Variants in PANK4 observed in about 807,000 individuals in gnomAD.
PANK4 encodes the protein pantothenate kinase 4 (inactive).
Under a neutral mutation model 87.9 loss-of-function variants are expected in PANK4, and 40 were observed. The ratio of observed to expected loss-of-function variants is 0.46; its 90% CI spans 0.35 to 0.59. The LOEUF (loss-of-function observed/expected upper bound fraction) is 0.59, where lower values mean the gene tolerates loss of function less well. Among genes scored for constraint, PANK4 ranks in the 20% least tolerant of loss-of-function variants. The pLI is 0.00. For synonymous variants in PANK4, 524 were observed against 467.4 expected, an observed-to-expected ratio of 1.12 and a Z score of -1.56; for missense variants, 926 against 1,072.3, an observed-to-expected ratio of 0.86 and a Z score of 1.90.
chr1:2,512,821 C>T, intron 13 of PANK4, 67 bp downstream of exon 13: 1 of 1,545,878 alleles, frequency 6.5e-7, no homozygotes, highest in Non-Finnish European at 8.9e-7. Flanking sequence ...ACCTCCTTGC[C>T]CGCAAGCCTG....
At chr1:2,521,606 G>C in intron 2 of PANK4, 112 bp downstream of exon 2, 1 of 903,008 alleles carries the variant, frequency 1.1e-6, no homozygotes, top group Non-Finnish European at 1.9e-6. Context: ...AAACTCCCAG[G>C]ACACTAAAGT....
chr1:2,509,971 G>T lies in PANK4; in HGVS notation c.2040-41C>A. ...TGGTCAGTGCCCCCAGGAGCTCCCA[G>T]TTCAGTGACAATCCCCATGGCCCAC... On this transcript the variant is annotated intron_variant, in intron 17 of 18. Coordinates refer to ENST00000378466, the MANE Select transcript of PANK4 (RefSeq NM_018216.4). The surrounding 1 kb of genome is among the most constrained non-coding windows in gnomAD (Gnocchi z 4.9). 6.3e-7 allele frequency: 1 copy of T among 1,594,614 alleles called. No homozygotes were observed. Among genetic ancestry groups the T allele is most frequent in the Admixed American group, 1.7e-5 (1 of 57,734 alleles).
chr1:2,516,700 G>A (rs1022302171), intron 9 of PANK4, among the ~76,000 whole-genome samples: 24 of 152,208 alleles, frequency 1.6e-4, no homozygotes, highest in Admixed American at 9.8e-4. Flanking sequence ...AGCCCATGCC[G>A]GGCAGAAGCT....
At position 2,509,142 on chromosome 1, in the gene PANK4, G is replaced by A. The variant is rs1289974158; in HGVS notation, c.2109-82C>T. ...CATACAGTGCGGCGACCAACGTGAAGGCTGAAACCCCTACCGCTCAATTCC... is the reference window on the plus strand; with the variant it reads ...CATACAGTGCGGCGACCAACGTGAAAGCTGAAACCCCTACCGCTCAATTCC... On this transcript the variant is annotated intron_variant, in intron 18 of 18. Coordinates refer to ENST00000378466, the MANE Select transcript of PANK4 (RefSeq NM_018216.4). This position sits in a 1 kb window ranked among gnomAD's most constrained non-coding sequence, Gnocchi z 4.9. 35 of 1,066,308 alleles carry A rather than the reference G, an allele frequency of 3.3e-5. 1 individual carries two copies. In the South Asian group the frequency reaches 4.5e-4, roughly 14 times the overall value. The allele number at this position is 1,066,308 out of a possible 1,614,324, so 66.1% of individuals were successfully genotyped here. A position where few individuals can be genotyped will look rare whatever the true frequency, so the allele number is the denominator to read the frequency against.
chr1:2,511,292 C>G, intron 15 of PANK4, 46 bp downstream of exon 15: 2 of 1,423,742 alleles, frequency 1.4e-6, no homozygotes, highest in Non-Finnish European at 2.0e-6. Flanking sequence ...CCCCCCCGGG[C>G]CCCGCTGTGT....
Position 2,518,719 on chromosome 1 carries a change from G to C in PANK4, c.1036-122C>G, listed in dbSNP as rs1426362355. 3 of 773,620 alleles carry C rather than the reference G, an allele frequency of 3.9e-6. No individual in the cohort carries two copies. The African/African-American group carries it at 5.2e-5, about 13-fold the overall frequency. The allele number at this position is 773,620 out of a possible 1,614,324, so 47.9% of individuals were successfully genotyped here. A position where few individuals can be genotyped will look rare whatever the true frequency, so the allele number is the denominator to read the frequency against. ...CCCAAACCCTCGAAGAGGCGCCATG[G>C]CACCCACGGCATACTTGCCAGTGGA... On this transcript the variant is annotated intron_variant, in intron 7 of 18. Transcript: ENST00000378466.
intron 12 of PANK4, among the ~76,000 whole-genome samples, chr1:2,513,547 C>A (rs114439409): frequency 6.6e-6 from 1 of 152,196 alleles, no homozygotes; most frequent in Non-Finnish European, 1.5e-5. Flanking sequence ...CGGCCCTGCA[C>A]GTTGCCGGGA....
chr1:2,512,536 TC>T (rs1643678901), intron 13 of PANK4: 1 of 265,052 alleles, frequency 3.8e-6, no homozygotes, highest in Admixed American at 4.8e-5. Flanking sequence ...CACCCTTTGA[TC>T]ATCACATCAG....
chr1:2,510,478 C>T lies in PANK4; in HGVS notation c.1938+200G>A. ...TCAACCCTGGGCTTCAGCACATGGA[C>T]CCTCAGCCTGAGCCCAGGGGGCTCG... On this transcript the variant is annotated intron_variant, in intron 16 of 18. Coordinates refer to ENST00000378466, the MANE Select transcript of PANK4 (RefSeq NM_018216.4). This position sits in a 1 kb window ranked among gnomAD's most constrained non-coding sequence, Gnocchi z 4.9. The T allele has an allele frequency of 1.7e-6, 1 of 604,412 alleles. No individual in the cohort carries two copies. Among genetic ancestry groups the T allele is most frequent in the Non-Finnish European group, 2.9e-6 (1 of 339,770 alleles). The allele number at this position is 604,412 out of a possible 1,614,324, so 37.4% of individuals were successfully genotyped here. A position where few individuals can be genotyped will look rare whatever the true frequency, so the allele number is the denominator to read the frequency against.
intron 1 of PANK4, among the ~76,000 whole-genome samples, chr1:2,523,766 G>A (rs982928018): frequency 1.3e-5 from 2 of 151,952 alleles, no homozygotes; most frequent in Admixed American, 6.6e-5. Context: ...AGAGGGAACC[G>A]CCTGCGGGCG....
At chr1:2,523,820 C>T (rs1158126323) in intron 1 of PANK4, among the ~76,000 whole-genome samples, 2 of 152,260 alleles carry the variant, frequency 1.3e-5, no homozygotes, top group Admixed American at 1.3e-4. Flanking sequence ...GGAATCACAG[C>T]AAACCGCGCC....
Position 2,521,221 on chromosome 1 carries a change from A to T in PANK4, c.302T>A (p.Ile101Asn). Residue 101 changes from isoleucine (I) to asparagine (N), a missense_variant, in exon 3 of 19, where the codon ATC (isoleucine) becomes AAC (asparagine). By Grantham distance (149) the Ile-to-Asn change is moderately radical. Coordinates refer to ENST00000378466, the MANE Select transcript of PANK4 (RefSeq NM_018216.4). ...TTTGATGAAGTCCAGGCAGGCTTCG[A>T]TGTAGGTATTCTCAAACTTAATGAA... ...LHFIKFENTY[I>N]EACLDFIKDH... 1 of 1,613,768 alleles carries T rather than the reference A, an allele frequency of 6.2e-7. No homozygotes were observed. Among genetic ancestry groups the T allele is most frequent in the Non-Finnish European group, 8.5e-7 (1 of 1,179,838 alleles).
intron 10 of PANK4, among the ~76,000 whole-genome samples, chr1:2,514,862 G>C (rs1643738584): frequency 6.6e-6 from 1 of 152,016 alleles, no homozygotes; most frequent in South Asian, 2.1e-4. Context: ...AGTGACCTTG[G>C]TCCCTCACCC....
At chr1:2,518,361 A>G (rs990810366) in intron 8 of PANK4, 97 bp from the exon 9 acceptor site, 5 of 991,202 alleles carry the variant, frequency 5.0e-6, no homozygotes, top group South Asian at 2.8e-5. Flanking sequence ...CTTATTAACT[A>G]AATTGTTAAA....
chr1:2,526,393 C>A (rs1169123750), intron 1 of PANK4, 71 bp downstream of exon 1: 1 of 913,202 alleles, frequency 1.1e-6, no homozygotes, highest in Non-Finnish European at 1.3e-6. Flanking sequence ...CCCGCCGCCC[C>A]CGCTCGCCGG....
intron 9 of PANK4, 51 bp downstream of exon 9, chr1:2,518,113 C>T (rs370525475): frequency 5.7e-5 from 65 of 1,139,284 alleles, no homozygotes; most frequent in African/African-American, 4.0e-4. Context: ...GAGGTGAGTG[C>T]GGCATAGGCT....
chr1:2,518,037 G>A (rs770304317), intron 9 of PANK4, 127 bp downstream of exon 9: 2 of 571,222 alleles, frequency 3.5e-6, no homozygotes, highest in Non-Finnish European at 6.1e-6. Context: ...TCCATGGGAG[G>A]ATTCGCCATG....
rs1208082211 is a variant in PANK4 at position 2,519,427 on chromosome 1, G to T, written c.854-103C>A. ...GAGAGAGAGCTGAGTGGGAGGGGAGGGGGAGAGAGAGCTGAGTGGGAGGGG... is the reference window on the plus strand; with the variant it reads ...GAGAGAGAGCTGAGTGGGAGGGGAGTGGGAGAGAGAGCTGAGTGGGAGGGG... On this transcript the variant is annotated intron_variant, in intron 6 of 18. Coordinates refer to ENST00000378466, the MANE Select transcript of PANK4 (RefSeq NM_018216.4). This position sits in a 1 kb window ranked among gnomAD's most constrained non-coding sequence, Gnocchi z 8.3. 3 of 291,412 alleles carry T rather than the reference G, an allele frequency of 1.0e-5. No homozygotes were observed. The highest frequency in any genetic ancestry group is 1.9e-5 in the Non-Finnish European group (3 of 157,570). 18.1% of individuals were successfully genotyped at this position (291,412 alleles called of 1,614,324 possible).
In PANK4 at chr1:2,513,043, T is replaced by A. The variant is rs200599405; in HGVS notation, c.1576-4A>T. ...CGCCATTCTCCCGCTGCTTCACCTG[T>A]GGAGAGTGCCAGATGCCAGGCCTGA... is the stretch of plus-strand genomic sequence containing the variant. On this transcript the variant is annotated splice_region_variant and splice_polypyrimidine_tract_variant and intron_variant, in intron 12 of 18. Coordinates refer to ENST00000378466, the MANE Select transcript of PANK4 (RefSeq NM_018216.4). 14 of 1,591,928 alleles carry A rather than the reference T, an allele frequency of 8.8e-6. No individual in the cohort carries two copies. Among genetic ancestry groups the A allele is most frequent in the Middle Eastern group, 3.3e-4 (2 of 5,980 alleles).
Sources: gnomAD v4.1 joint callset for allele counts (sites outside exome capture counted in the v4.1 genomes callset) on GRCh38, gnomAD v4.1.1 for gene constraint, Gnocchi (gnomAD v3.1) non-coding constraint, MANE v1.5 for transcripts, NCBI Gene and HGNC (gene_info 2026-07-23, HGNC 2026-07-21) for gene names.